Variants in NAA15 observed in about 807,000 individuals in gnomAD.
The protein encoded by NAA15 is N-terminal acetyltransferase.
In NAA15, 34 loss-of-function variants were observed where a neutral mutation model predicts 114.0. That is an observed-to-expected ratio of 0.30 (90% confidence interval 0.23 to 0.40). The LOEUF is 0.40. Among genes scored for constraint, NAA15 ranks in the 10% least tolerant of loss-of-function variants. The pLI, the probability that NAA15 is intolerant of heterozygous loss-of-function variation, is 1.00. For missense variants in NAA15, 658 were observed against 1,004.5 expected (o/e 0.66, Z 4.66); for synonymous variants, 340 against 338.0 (o/e 1.01, Z -0.06).
chr4:139,335,901 A>T (rs1052053011), intron 2 of NAA15, among the ~76,000 whole-genome samples: 1 of 151,520 alleles, frequency 6.6e-6, no homozygotes, highest in Non-Finnish European at 1.5e-5. Flanking sequence ...CTGGCATTAC[A>T]GGTGCCCCCC....
intron 14 of NAA15, among the ~76,000 whole-genome samples, chr4:139,365,150 G>T (rs1748242598): frequency 6.6e-6 from 1 of 152,122 alleles, no homozygotes; most frequent in Admixed American, 6.5e-5. Context: ...CAATTGTCCT[G>T]CCTCAGCCTC....
chr4:139,361,559 CT>C (rs1178054292), intron 13 of NAA15, among the ~76,000 whole-genome samples, 164 bp from the exon 14 acceptor site: 5 of 152,036 alleles, frequency 3.3e-5, no homozygotes, highest in African/African-American at 1.2e-4. Flanking sequence ...ACTGTATTTG[CT>C]TATTTGAAAT....
At chr4:139,366,127 G>A (rs1437590177) in intron 14 of NAA15, among the ~76,000 whole-genome samples, 1 of 151,532 alleles carries the variant, frequency 6.6e-6, no homozygotes, top group African/African-American at 2.4e-5. Context: ...ATCTATTGCT[G>A]CATCATAAAT....
intron 6 of NAA15, among the ~76,000 whole-genome samples, chr4:139,347,167 T>C (rs898757616): frequency 1.3e-5 from 2 of 152,074 alleles, no homozygotes; most frequent in African/African-American, 4.8e-5. Context: ...TGGGCCTGAG[T>C]TGTTGAGGGT....
chr4:139,353,917 G>A (rs1747860190), intron 9 of NAA15, 109 bp from the exon 10 acceptor site: 5 of 744,030 alleles, frequency 6.7e-6, no homozygotes, highest in East Asian at 2.6e-5. Context: ...AGGAGGGTGT[G>A]TGTGTTGGAG....
intron 1 of NAA15, among the ~76,000 whole-genome samples, chr4:139,330,173 T>C (rs1424159996): frequency 2.0e-5 from 3 of 152,246 alleles, no homozygotes; most frequent in Non-Finnish European, 4.4e-5. Context: ...ACAGTGACAC[T>C]TAACCCTCTT....
intron 1 of NAA15, among the ~76,000 whole-genome samples, chr4:139,329,735 C>G (rs1041371956): frequency 1.3e-5 from 2 of 152,178 alleles, no homozygotes; most frequent in African/African-American, 4.8e-5. Context: ...ATATGCAAAA[C>G]TTAGTACTCA....
At chr4:139,303,498 T>C (rs13124028) in intron 1 of NAA15, among the ~76,000 whole-genome samples, 40,361 of 152,060 alleles carry the variant, frequency 0.27, 5,672 homozygotes, top group African/African-American at 0.35. Context: ...AAGTTGTAGA[T>C]GTAAAATTTA....
At chr4:139,366,580 A>G (rs1007246077) in intron 14 of NAA15, among the ~76,000 whole-genome samples, 60 of 151,584 alleles carry the variant, frequency 4.0e-4, no homozygotes, top group African/African-American at 1.4e-3. Flanking sequence ...TTGGTTACAA[A>G]TTATTTACAT....
At chr4:139,315,249 A>C (rs1746373053) in intron 1 of NAA15, among the ~76,000 whole-genome samples, 1 of 151,810 alleles carries the variant, frequency 6.6e-6, no homozygotes, top group Admixed American at 6.6e-5. Flanking sequence ...GCCAGGGACG[A>C]TGGCTCACGC....
At position 139,333,678 on chromosome 4, in the gene NAA15, G is replaced by A. The variant is rs752277551; in HGVS notation, c.55-496G>A. 2.5e-4 allele frequency among the ~76,000 whole-genome samples: 38 copies of A among 152,234 alleles called. 1 individual carries two copies. The highest frequency in any genetic ancestry group is 3.4e-3 in the Middle Eastern group (1 of 294). ...GATTGCTTGAGTGAGTCCTGAGATC[G>A]CTTGAGAATCTTGGAGTCTGAGACC... On this transcript the variant is annotated intron_variant, in intron 1 of 19. Transcript: ENST00000296543.
chr4:139,304,398 T>A (rs1745936358), intron 1 of NAA15, among the ~76,000 whole-genome samples: 1 of 152,224 alleles, frequency 6.6e-6, no homozygotes, highest in Admixed American at 6.5e-5. Context: ...ATTTCCCCAC[T>A]TTACTTGTAC....
chr4:139,325,296 G>A (rs1185298861), intron 1 of NAA15, among the ~76,000 whole-genome samples: 1 of 152,000 alleles, frequency 6.6e-6, no homozygotes, highest in African/African-American at 2.4e-5. Context: ...AAAAATTTTG[G>A]GTTTAATAAC....
At chr4:139,315,379 C>T (rs1282890458) in intron 1 of NAA15, among the ~76,000 whole-genome samples, 1 of 151,706 alleles carries the variant, frequency 6.6e-6, no homozygotes, top group South Asian at 2.1e-4. Flanking sequence ...ATTAGCCAGG[C>T]GTGGTGGTAC....
intron 1 of NAA15, among the ~76,000 whole-genome samples, chr4:139,317,362 G>T (rs770665587): frequency 6.6e-6 from 1 of 152,116 alleles, no homozygotes; most frequent in African/African-American, 2.4e-5. Flanking sequence ...GGTGGCTGAC[G>T]CCTGTAATCC....
chr4:139,362,447 G>A (rs1300661405), intron 14 of NAA15, among the ~76,000 whole-genome samples: 1 of 151,978 alleles, frequency 6.6e-6, no homozygotes, highest in Non-Finnish European at 1.5e-5. Flanking sequence ...CTAATTTTGT[G>A]TTTTTAGTGG....
At chr4:139,344,454 C>A in intron 6 of NAA15, 115 bp downstream of exon 6, 1 of 763,060 alleles carries the variant, frequency 1.3e-6, no homozygotes, top group Non-Finnish European at 2.1e-6. Flanking sequence ...GATAGGAAAT[C>A]TATTTCTTAC....
At chr4:139,369,897 T>G (rs906518121) in intron 14 of NAA15, among the ~76,000 whole-genome samples, 1 of 152,078 alleles carries the variant, frequency 6.6e-6, no homozygotes, top group Non-Finnish European at 1.5e-5. Context: ...CTCTGCCTCC[T>G]GGGTTCAAGC....
chr4:139,321,343 G>A (rs941184624), intron 1 of NAA15, among the ~76,000 whole-genome samples: 9 of 150,810 alleles, frequency 6.0e-5, no homozygotes, highest in Non-Finnish European at 8.9e-5. Context: ...TTATTTTTTT[G>A]TGGAGAATCT....
Sources: gnomAD v4.1 joint callset for allele counts (sites outside exome capture counted in the v4.1 genomes callset) on GRCh38, gnomAD v4.1.1 for gene constraint, MANE v1.5 for transcripts, NCBI Gene and HGNC (gene_info 2026-07-23, HGNC 2026-07-21) for gene names.